The following LDLRAD4 variants were observed in gnomAD, a reference collection of about 807,000 sequenced individuals.
The protein encoded by LDLRAD4 is low density lipoprotein receptor class A domain containing 4, also known as low-density lipoprotein receptor class A domain-containing protein 4.
In LDLRAD4, 5 loss-of-function variants were observed where a neutral mutation model predicts 17.0. The ratio of observed to expected loss-of-function variants is 0.29; its 90% confidence interval spans 0.15 to 0.62. The LOEUF (loss-of-function observed/expected upper bound fraction) is 0.62. Ranked by LOEUF, LDLRAD4 falls within the 20% of genes least tolerant of loss-of-function variation. The pLI, the probability that LDLRAD4 is intolerant of heterozygous loss-of-function variation, is 0.84. For synonymous variants in LDLRAD4, 168 were observed against 171.8 expected (o/e 0.98, Z 0.17); for missense variants, 340 against 424.7 (o/e 0.80, Z 1.75).
intron 4 of LDLRAD4, chr18:13,642,647 C>A: frequency 8.1e-7 from 1 of 1,231,074 alleles, no homozygotes; most frequent in African/African-American, 1.6e-5. Context: ...GGGCAGGGCA[C>A]GGGCGGGCCC....
intron 1 of LDLRAD4, among the ~76,000 whole-genome samples, chr18:13,248,241 G>A (rs1407377029): frequency 3.9e-5 from 6 of 152,218 alleles, no homozygotes; most frequent in South Asian, 4.1e-4. Flanking sequence ...GACTACAGGC[G>A]CGAGCCACCG....
Position 13,438,064 on chromosome 18 carries a change from C to T in LDLRAD4, c.41-180C>T, listed in dbSNP as rs114846826. On this transcript the variant is annotated intron_variant, in intron 2 of 5. Coordinates refer to ENST00000359446, the Ensembl canonical transcript of LDLRAD4. ...AGGGCACCATCCTGTGTGTTTCAGA[C>T]GAGGAAGGTCCTTACCCAGATGGCC... Among the ~76,000 whole-genome samples, 922 of 152,286 alleles carry T rather than the reference C, an allele frequency of 6.1e-3. 7 individuals are homozygous for T. Among genetic ancestry groups the T allele is most frequent in the African/African-American group, 0.02 (824 of 41,562 alleles).
intron 3 of LDLRAD4, among the ~76,000 whole-genome samples, chr18:13,607,611 A>G (rs2095237231): frequency 6.6e-6 from 1 of 151,812 alleles, no homozygotes; most frequent in Non-Finnish European, 1.5e-5. Flanking sequence ...CCAGCCCCCA[A>G]CAGGCCCCAC....
chr18:13,322,233 T>G (rs59481976), intron 1 of LDLRAD4, among the ~76,000 whole-genome samples: 1,905 of 151,246 alleles, frequency 0.013, 23 homozygotes, highest in African/African-American at 0.033. Context: ...AGCTGATTTT[T>G]AAAATGGCTC....
chr18:13,439,243 A>G (rs2090866722), intron 3 of LDLRAD4, among the ~76,000 whole-genome samples: 1 of 152,202 alleles, frequency 6.6e-6, no homozygotes, highest in Admixed American at 6.5e-5. Flanking sequence ...TGGAAATTAG[A>G]CTACATAAAT....
At chr18:13,502,263 A>G (rs557894828) in intron 3 of LDLRAD4, among the ~76,000 whole-genome samples, 58 of 152,360 alleles carry the variant, frequency 3.8e-4, no homozygotes, top group Admixed American at 9.1e-4. Flanking sequence ...CTGGTGCCAC[A>G]TCTTTTAAAA....
At chr18:13,296,539 C>T (rs2046286803) in intron 1 of LDLRAD4, among the ~76,000 whole-genome samples, 1 of 151,874 alleles carries the variant, frequency 6.6e-6, no homozygotes, top group East Asian at 1.9e-4. Context: ...GACACCAGCC[C>T]CGTCAGATTA....
intron 1 of LDLRAD4, among the ~76,000 whole-genome samples, chr18:13,260,362 G>A (rs146500051): frequency 6.6e-6 from 1 of 152,326 alleles, no homozygotes; most frequent in Non-Finnish European, 1.5e-5. Flanking sequence ...GCCCTGTCAG[G>A]GTCTGGAAAT....
chr18:13,292,014 TG>T, intron 1 of LDLRAD4, among the ~76,000 whole-genome samples: 1 of 152,252 alleles, frequency 6.6e-6, no homozygotes, highest in Admixed American at 6.5e-5. Flanking sequence ...AAACAGAAGT[TG>T]GGTGTTTTTA....
chr18:13,229,470 G>C (rs770308603), intron 1 of LDLRAD4, among the ~76,000 whole-genome samples: 1 of 152,218 alleles, frequency 6.6e-6, no homozygotes, highest in Non-Finnish European at 1.5e-5. Context: ...CGTGAGCCAA[G>C]TGTGTACTCG....
chr18:13,500,242 C>T (rs781302951), intron 3 of LDLRAD4, among the ~76,000 whole-genome samples: 2 of 147,134 alleles, frequency 1.4e-5, no homozygotes, highest in African/African-American at 2.4e-5. Flanking sequence ...CCTGACGGCC[C>T]GGGAATAGCA....
intron 4 of LDLRAD4, among the ~76,000 whole-genome samples, chr18:13,625,954 T>C (rs1032675606): frequency 3.3e-5 from 5 of 151,066 alleles, no homozygotes; most frequent in African/African-American, 1.2e-4. Context: ...TGCATGAACG[T>C]GATGGGTGTC....
At chr18:13,505,540 C>A (rs114276457) in intron 3 of LDLRAD4, among the ~76,000 whole-genome samples, 2,049 of 152,290 alleles carry the variant, frequency 0.013, 47 homozygotes, top group African/African-American at 0.047. Context: ...AGTGACCTTG[C>A]CAGGCACGGT....
At chr18:13,595,516 T>TG (rs1403935140) in intron 3 of LDLRAD4, among the ~76,000 whole-genome samples, 1 of 151,912 alleles carries the variant, frequency 6.6e-6, no homozygotes, top group African/African-American at 2.4e-5. Flanking sequence ...TGTTTGAGGG[T>TG]GTTTTGTTTT....
chr18:13,283,840 T>A (rs2045439128), intron 1 of LDLRAD4, among the ~76,000 whole-genome samples: 2 of 152,170 alleles, frequency 1.3e-5, no homozygotes, highest in African/African-American at 2.4e-5. Flanking sequence ...TAGGTTTAAT[T>A]GGACTTACAG....
chr18:13,439,401 A>G (rs1467697130), intron 3 of LDLRAD4, among the ~76,000 whole-genome samples: 1 of 152,238 alleles, frequency 6.6e-6, no homozygotes, highest in Non-Finnish European at 1.5e-5. Context: ...CCTGCTATTT[A>G]TGCTTGCTAA....
chr18:13,390,250 C>A (rs1053195197), intron 2 of LDLRAD4, among the ~76,000 whole-genome samples: 1 of 152,230 alleles, frequency 6.6e-6, no homozygotes, highest in African/African-American at 2.4e-5. Flanking sequence ...GTGCCAGCGG[C>A]AGTGGTGGGG....
At chr18:13,569,968 G>T (rs948273) in intron 3 of LDLRAD4, among the ~76,000 whole-genome samples, 25,365 of 152,156 alleles carry the variant, frequency 0.17, 2,300 homozygotes, top group East Asian at 0.35. Context: ...TGTTTTAAAA[G>T]TATGCATGGG....
At position 13,492,436 on chromosome 18, in the gene LDLRAD4, CT is replaced by C. The variant is rs374627507; in HGVS notation, c.181+54054del. On this transcript the variant is annotated intron_variant, in intron 3 of 5. Coordinates refer to ENST00000359446, the Ensembl canonical transcript of LDLRAD4. ...TATTAACAGATGGAGTTGGTCCTCC[CT>C]TCCCCCCCGGGTCTGAATCTGCCTG... Among the ~76,000 whole-genome samples, 363 of 152,350 alleles carry C rather than the reference CT, an allele frequency of 2.4e-3. 3 individuals are homozygous for C. The highest frequency in any genetic ancestry group is 3.9e-3 in the Non-Finnish European group (268 of 68,038).
Sources: gnomAD v4.1 joint callset for allele counts (sites outside exome capture counted in the v4.1 genomes callset) on GRCh38, gnomAD v4.1.1 for gene constraint, MANE v1.5 for transcripts, NCBI Gene and HGNC (gene_info 2026-07-23, HGNC 2026-07-21) for gene names.